Variants in FHIT observed in about 807,000 individuals in gnomAD.
The protein encoded by FHIT is fragile histidine triad diadenosine triphosphatase, also known as bis(5'-adenosyl)-triphosphatase.
A neutral mutation model predicts 17.9 loss-of-function variants in FHIT; 19 were observed. The observed-to-expected ratio is 1.06, with a 90% CI of 0.74 to 1.56. The LOEUF (loss-of-function observed/expected upper bound fraction) is 1.56, where lower values mean the gene tolerates loss of function less well. Among genes scored for constraint, FHIT ranks in the 40% most tolerant of loss-of-function variants. FHIT has a pLI of 0.00. For synonymous variants in FHIT, 81 were observed against 69.7 expected, an observed-to-expected ratio of 1.16 and a Z score of -0.81; for missense variants, 248 against 189.2, an observed-to-expected ratio of 1.31 and a Z score of -1.82.
intron 8 of FHIT, among the ~76,000 whole-genome samples, chr3:59,828,550 A>C (rs909268792): frequency 2.0e-5 from 3 of 152,148 alleles, no homozygotes; most frequent in Non-Finnish European, 4.4e-5. Context: ...TCTTAAAGAG[A>C]AATGCAAAGT....
At chr3:60,917,057 T>A (rs1553767269) in intron 3 of FHIT, among the ~76,000 whole-genome samples, 1 of 152,152 alleles carries the variant, frequency 6.6e-6, no homozygotes, top group African/African-American at 2.4e-5. Flanking sequence ...AGAACCCTAG[T>A]TTTTACTGGC....
chr3:59,889,846 C>T (rs778840475), intron 8 of FHIT, among the ~76,000 whole-genome samples: 1 of 152,162 alleles, frequency 6.6e-6, no homozygotes, highest in Non-Finnish European at 1.5e-5. Flanking sequence ...AATGAGAGAA[C>T]ATACATTGGC....
At chr3:60,042,280 G>C (rs1048985164) in intron 5 of FHIT, among the ~76,000 whole-genome samples, 8 of 152,198 alleles carry the variant, frequency 5.3e-5, no homozygotes, top group African/African-American at 9.7e-5. Context: ...GTAACCTGAA[G>C]TATCTTACTT....
At chr3:61,063,631 A>G (rs1371718522) in intron 2 of FHIT, among the ~76,000 whole-genome samples, 1 of 152,172 alleles carries the variant, frequency 6.6e-6, no homozygotes, top group Non-Finnish European at 1.5e-5. Context: ...GTTCACAAAC[A>G]CAAATGAATA....
At chr3:60,607,341 C>T (rs149615871) in intron 4 of FHIT, among the ~76,000 whole-genome samples, 2 of 151,962 alleles carry the variant, frequency 1.3e-5, no homozygotes, top group African/African-American at 2.4e-5. Context: ...GTCACTTCCT[C>T]GGTGGGCCTC....
At chr3:59,804,033 T>C (rs1038040508) in intron 8 of FHIT, among the ~76,000 whole-genome samples, 1 of 152,254 alleles carries the variant, frequency 6.6e-6, no homozygotes. Flanking sequence ...GCATTTTAAG[T>C]AGCAGTCTGC....
At chr3:61,094,936 G>A (rs945351254) in intron 2 of FHIT, among the ~76,000 whole-genome samples, 27 of 152,308 alleles carry the variant, frequency 1.8e-4, no homozygotes, top group South Asian at 1.4e-3. Context: ...GAATTTTATA[G>A]TTAATATTTT....
chr3:60,307,746 C>G (rs552930394), intron 5 of FHIT, among the ~76,000 whole-genome samples: 4 of 152,228 alleles, frequency 2.6e-5, no homozygotes, highest in African/African-American at 9.6e-5. Context: ...TGACCCTGGA[C>G]AAACACTGGG....
At chr3:60,693,359 A>T (rs1250074236) in intron 4 of FHIT, among the ~76,000 whole-genome samples, 1 of 152,238 alleles carries the variant, frequency 6.6e-6, no homozygotes, top group Non-Finnish European at 1.5e-5. Context: ...TTCGTATAGC[A>T]GTAATTTCCC....
intron 8 of FHIT, among the ~76,000 whole-genome samples, chr3:59,815,294 G>GGAAAACAGTGGAAAAC (rs1700559054): frequency 6.6e-6 from 1 of 152,084 alleles, no homozygotes; most frequent in Non-Finnish European, 1.5e-5. Flanking sequence ...ATGTCAACTA[G>GGAAAACAGTGGAAAAC]TACAACCACT....
intron 5 of FHIT, among the ~76,000 whole-genome samples, chr3:60,472,142 A>G (rs1290244649): frequency 2.2e-5 from 3 of 137,300 alleles, no homozygotes. Flanking sequence ...AGTAGCTCTC[A>G]GTCTACTTTT....
chr3:60,840,785 A>G (rs782083948), intron 3 of FHIT, among the ~76,000 whole-genome samples: 1 of 152,252 alleles, frequency 6.6e-6, no homozygotes, highest in Non-Finnish European at 1.5e-5. Context: ...TGTTAAAAAC[A>G]TATGGCCTAT....
rs542037687 is a variant in FHIT, at chr3:60,531,202, A to G, written c.103+5658T>C. ...AGGGAAATTTTAAGAGCAAAAACCTATCTTTAGCTATAAAGATATTAAAAT... is the reference window on the plus strand; with the variant it reads ...AGGGAAATTTTAAGAGCAAAAACCTGTCTTTAGCTATAAAGATATTAAAAT... On this transcript the variant is annotated intron_variant, in intron 5 of 9. Coordinates refer to ENST00000492590, the MANE Select transcript of FHIT (RefSeq NM_002012.4). 3.3e-5 allele frequency among the ~76,000 whole-genome samples: 5 copies of G among 151,770 alleles called. No individual in the cohort carries two copies. In the South Asian group the frequency reaches 1.0e-3, roughly 32 times the overall value.
intron 4 of FHIT, among the ~76,000 whole-genome samples, chr3:60,772,893 G>C (rs1402316338): frequency 6.6e-6 from 1 of 152,150 alleles, no homozygotes; most frequent in African/African-American, 2.4e-5. Context: ...TAAGAGGACA[G>C]CTTCAACTCC....
intron 1 of FHIT, among the ~76,000 whole-genome samples, chr3:61,246,360 C>G (rs1230981030): frequency 1.3e-5 from 2 of 152,150 alleles, no homozygotes; most frequent in Admixed American, 6.5e-5. Flanking sequence ...GGGTCTGGAT[C>G]AAGACCCCTT....
intron 3 of FHIT, among the ~76,000 whole-genome samples, chr3:60,987,364 T>C (rs6780422): frequency 1 from 151,978 of 152,276 alleles, 75,842 homozygotes; most frequent in Middle Eastern, 1. Context: ...ACACCTGGCC[T>C]GCCCAGGGTG....
At chr3:59,870,427 T>C (rs1702865483) in intron 8 of FHIT, among the ~76,000 whole-genome samples, 1 of 152,188 alleles carries the variant, frequency 6.6e-6, no homozygotes, top group African/African-American at 2.4e-5. Flanking sequence ...CTCAGTTCAG[T>C]CTTAACGAGT....
intron 5 of FHIT, among the ~76,000 whole-genome samples, chr3:60,167,930 G>C (rs912908348): frequency 1.1e-4 from 16 of 152,048 alleles, no homozygotes; most frequent in African/African-American, 3.9e-4. Context: ...TTTTTGGAGG[G>C]GGAAGATGGG....
chr3:59,951,429 G>C (rs781241536), intron 7 of FHIT, among the ~76,000 whole-genome samples: 11 of 152,198 alleles, frequency 7.2e-5, no homozygotes, highest in Non-Finnish European at 1.6e-4. Flanking sequence ...AAATAAGTTG[G>C]AGGTAAAATG....
Sources: gnomAD v4.1 joint callset for allele counts (sites outside exome capture counted in the v4.1 genomes callset) on GRCh38, gnomAD v4.1.1 for gene constraint, MANE v1.5 for transcripts, NCBI Gene and HGNC (gene_info 2026-07-23, HGNC 2026-07-21) for gene names.